Variants in SGCG observed in about 807,000 individuals in gnomAD.
SGCG encodes sarcoglycan gamma, also known as gamma-sarcoglycan.
A neutral mutation model predicts 29.3 loss-of-function variants in SGCG; 26 were observed. That is an observed-to-expected ratio of 0.89 (90% confidence interval 0.65 to 1.23). The LOEUF is 1.23. SGCG is among the 50% of genes most tolerant of loss of function. SGCG has a pLI of 0.00. For synonymous variants in SGCG, 145 were observed against 129.7 expected (o/e 1.12, Z -0.80); for missense variants, 353 against 356.0 (o/e 0.99, Z 0.07).
the SGCG span, among the ~76,000 whole-genome samples, chr13:23,166,187 T>A: frequency 1.3e-5 from 2 of 152,150 alleles, no homozygotes; most frequent in Non-Finnish European, 2.9e-5. Flanking sequence ...TTGTACAAAT[T>A]CTTTATCAAT....
At chr13:23,306,439 G>C (rs1017522226) in intron 6 of SGCG, among the ~76,000 whole-genome samples, 1 of 152,086 alleles carries the variant, frequency 6.6e-6, no homozygotes, top group African/African-American at 2.4e-5. Flanking sequence ...ATTTCCCTAG[G>C]AAATTATTCA....
rs56971660 is a variant in SGCG, at chr13:23,247,784, T to TAA, written c.298-2830_298-2829dup. ...AACATAGTTAAAACTCATCTCTATT[T>TAA]AAAAAAAAAAAAAAAAATCAGCTGG... On this transcript the variant is annotated intron_variant, in intron 3 of 7. Transcript: ENST00000218867. Among the ~76,000 whole-genome samples the TAA allele has an allele frequency of 4.0e-3, 533 of 132,854 alleles. 4 individuals are homozygous for TAA. The highest frequency in any genetic ancestry group is 0.013 in the African/African-American group (443 of 35,050). 87.2% of individuals were successfully genotyped at this position (132,854 alleles called of 152,430 possible). A position where few individuals can be genotyped will look rare whatever the true frequency, so the allele number is the denominator to read the frequency against.
chr13:23,231,582 T>C (rs555525507), intron 2 of SGCG, among the ~76,000 whole-genome samples: 1 of 152,324 alleles, frequency 6.6e-6, no homozygotes, highest in Admixed American at 6.5e-5. Context: ...ATTTGTAGTC[T>C]TGAAATTCTG....
intron 2 of SGCG, among the ~76,000 whole-genome samples, chr13:23,223,600 A>C (rs2137531448): frequency 6.6e-6 from 1 of 152,284 alleles, no homozygotes; most frequent in South Asian, 2.1e-4. Context: ...AAAACATAGA[A>C]ATTTCCATTT....
chr13:23,312,579 G>T (rs1882642671), intron 6 of SGCG, among the ~76,000 whole-genome samples: 1 of 152,212 alleles, frequency 6.6e-6, no homozygotes, highest in African/African-American at 2.4e-5. Context: ...TGGACGTAGT[G>T]TGTGGAATGA....
chr13:23,261,107 G>C (rs1853994), intron 4 of SGCG, among the ~76,000 whole-genome samples: 56,881 of 151,910 alleles, frequency 0.37, 11,148 homozygotes, highest in South Asian at 0.51. Flanking sequence ...GGGAAGTTCT[G>C]CTGGATAATA....
At position 23,324,500 on chromosome 13, in the gene SGCG, G is replaced by A; in HGVS notation, c.835G>A (p.Val279Met). The part of the protein sequence containing the change: ...DGKLYLSVAG[V>M]STTCQEHNHI... The stretch of plus-strand genomic sequence containing the variant: ...GAAGCTGTACCTGTCTGTGGCCGGT[G>A]TGAGCACCACGTGCCAGGAGCACAA... Residue 279 changes from valine to methionine, a missense_variant, in exon 8 of 8, where the codon GTG (valine) becomes ATG (methionine). Val to Met is a conservative substitution (Grantham distance 21). Transcript: ENST00000218867. 12 of 1,613,318 alleles carry A rather than the reference G, an allele frequency of 7.4e-6. No individual in the cohort carries two copies. The highest frequency in any genetic ancestry group is 1.0e-5 in the Non-Finnish European group (12 of 1,180,022).
chr13:23,164,504 C>T, the SGCG span, among the ~76,000 whole-genome samples: 1 of 152,282 alleles, frequency 6.6e-6, no homozygotes, highest in Admixed American at 6.5e-5. Context: ...AAAGGAATAT[C>T]TGAGGCCAGG....
intron 6 of SGCG, among the ~76,000 whole-genome samples, chr13:23,309,482 C>A (rs1882480744): frequency 6.6e-6 from 1 of 152,116 alleles, no homozygotes; most frequent in Non-Finnish European, 1.5e-5. Flanking sequence ...AAAGAGTCAT[C>A]CTTTTTATTA....
chr13:23,222,112 C>T (rs1878694149), intron 2 of SGCG, among the ~76,000 whole-genome samples: 1 of 152,126 alleles, frequency 6.6e-6, no homozygotes. Flanking sequence ...CCCCATGTAT[C>T]AGATTTTTGG....
chr13:23,315,012 C>G (rs890126330), intron 6 of SGCG, among the ~76,000 whole-genome samples: 2 of 152,218 alleles, frequency 1.3e-5, no homozygotes, highest in African/African-American at 4.8e-5. Flanking sequence ...GAAAGCTGCT[C>G]TGCCGCTTGG....
intron 6 of SGCG, among the ~76,000 whole-genome samples, chr13:23,317,052 G>A (rs900922309): frequency 5.9e-5 from 9 of 152,064 alleles, no homozygotes; most frequent in East Asian, 3.9e-4. Context: ...AAGATTAGCC[G>A]GGCATGGTGG....
At chr13:23,321,348 C>A (rs929317854) in intron 7 of SGCG, among the ~76,000 whole-genome samples, 3 of 152,004 alleles carry the variant, frequency 2.0e-5, no homozygotes, top group Non-Finnish European at 2.9e-5. Context: ...AGTACAGAAC[C>A]CTGTATACAC....
intron 2 of SGCG, among the ~76,000 whole-genome samples, chr13:23,208,247 C>CA (rs1325091000): frequency 6.6e-6 from 1 of 152,074 alleles, no homozygotes; most frequent in Non-Finnish European, 1.5e-5. Context: ...TTCAAATTAA[C>CA]AAAGTTTGGC....
the SGCG span, among the ~76,000 whole-genome samples, chr13:23,174,300 A>AG: frequency 6.6e-6 from 1 of 152,220 alleles, no homozygotes; most frequent in South Asian, 2.1e-4. Context: ...CCGCAGAAAA[A>AG]GGAGATTGTG....
At chr13:23,182,102 A>G (rs1210234363) in intron 1 of SGCG, among the ~76,000 whole-genome samples, 1 of 152,224 alleles carries the variant, frequency 6.6e-6, no homozygotes, top group African/African-American at 2.4e-5. Flanking sequence ...TGTCCAAAAG[A>G]TATCAGCTAA....
At chr13:23,187,264 C>T (rs1357997285) in intron 1 of SGCG, among the ~76,000 whole-genome samples, 5 of 152,112 alleles carry the variant, frequency 3.3e-5, no homozygotes, top group Non-Finnish European at 7.4e-5. Context: ...AGGCTGTTAA[C>T]GTGGTAAAAG....
the SGCG span, among the ~76,000 whole-genome samples, chr13:23,165,564 G>T: frequency 9.1e-4 from 135 of 147,876 alleles, 1 homozygote; most frequent in African/African-American, 3.2e-3. Flanking sequence ...TCACTCTGTT[G>T]CCCTGGCTGG....
chr13:23,213,476 C>T (rs1215117246), intron 2 of SGCG, among the ~76,000 whole-genome samples: 1 of 151,512 alleles, frequency 6.6e-6, no homozygotes, highest in African/African-American at 2.4e-5. Context: ...AGTGAGACTC[C>T]GTTTCAAAAA....
Sources: allele counts gnomAD v4.1 joint callset (sites outside exome capture counted in the v4.1 genomes callset), GRCh38; gene constraint gnomAD v4.1.1; transcripts MANE v1.5; gene names NCBI Gene and HGNC (gene_info 2026-07-23, HGNC 2026-07-21).